MEG3: variants seen among roughly 807,000 people sequenced by gnomAD.
MEG3 encodes maternally expressed 3, also known as Very putative protein from MEG3 locus.
At position 100,845,410 on chromosome 14, in the gene MEG3, C is replaced by T. The variant is rs144425654; in HGVS notation, n.3046-48C>T. 7.2e-3 allele frequency: 3,219 copies of T among 446,728 alleles called. 19 individuals carry two copies. The highest frequency in any genetic ancestry group is 0.01 in the South Asian group (655 of 63,162). The allele number at this position is 446,728 out of a possible 1,614,324, so 27.7% of individuals were successfully genotyped here. On this transcript the variant is annotated intron_variant and non_coding_transcript_variant, in intron 2 of 3. Coordinates refer to the MEG3 transcript ENST00000398461. The surrounding 1 kb of genome is among the most constrained non-coding windows in gnomAD (Gnocchi z 5.2). ...CCTCATCCGCCCTCCTCCTCCTCGCCGGCCTGAGTGAGGTTCTACTCTGTG... is the reference window on the plus strand; with the variant it reads ...CCTCATCCGCCCTCCTCCTCCTCGCTGGCCTGAGTGAGGTTCTACTCTGTG...
Position 100,837,656 on chromosome 14 carries a change from C to T in MEG3, n.3045+1356C>T, listed in dbSNP as rs185849358. Among the ~76,000 whole-genome samples the T allele has an allele frequency of 5.5e-4, 83 of 152,192 alleles. 2 individuals carry two copies. The East Asian group carries it at 9.9e-3, about 18-fold the overall frequency. On this transcript the variant is annotated intron_variant and non_coding_transcript_variant, in intron 2 of 3. Transcript: ENST00000398461. This position sits in a 1 kb window ranked among gnomAD's most constrained non-coding sequence, Gnocchi z 5.8. ...ACGCATCAGCCCTTGTGCAGGCCTCCGCCCTCCGCCACCCCCCACCCCCGG... is the reference window on the plus strand; with the variant it reads ...ACGCATCAGCCCTTGTGCAGGCCTCTGCCCTCCGCCACCCCCCACCCCCGG...
exon 1 of MEG3, chr14:100,858,444 C>T (rs2038304924): frequency 6.5e-6 from 1 of 152,716 alleles, no homozygotes; most frequent in Non-Finnish European, 1.5e-5. Flanking sequence ...TCTCACATCC[C>T]CACATTCCAG....
upstream of MEG3, chr14:100,853,817 C>T (rs1339789215): frequency 1.3e-5 from 2 of 152,194 alleles, no homozygotes; most frequent in East Asian, 3.8e-4. Context: ...TATGTTCTTC[C>T]ACCCAGAAAT....
At chr14:100,832,459 C>G (rs776619384), downstream of MEG3, 3 of 152,516 alleles carry the variant, frequency 2.0e-5, no homozygotes, top group South Asian at 6.2e-4. Context: ...CTTACCCTGG[C>G]GGTGTTTTTC....
intron 3 of MEG3, chr14:100,850,664 G>GAAGA (rs2038046583): frequency 6.6e-6 from 1 of 151,480 alleles, no homozygotes; most frequent in African/African-American, 2.4e-5. Context: ...AGAGTGAGAG[G>GAAGA]AAGAAAGAAA....
At chr14:100,844,282 A>G (rs922879478) in intron 2 of MEG3, among the ~76,000 whole-genome samples, 3 of 152,048 alleles carry the variant, frequency 2.0e-5, no homozygotes, top group African/African-American at 7.2e-5. Flanking sequence ...AACGGTCCCC[A>G]GAGATGGTGT....
chr14:100,860,645 G>A (rs2038377671), intron 1 of MEG3: 7 of 456,600 alleles, frequency 1.5e-5, no homozygotes, highest in East Asian at 7.0e-5. Flanking sequence ...GTCGGCCAGC[G>A]AGGCCGGGAG....
chr14:100,852,411 C>CT, upstream of MEG3: 1 of 534,484 alleles, frequency 1.9e-6, no homozygotes, highest in Admixed American at 1.9e-5. Flanking sequence ...TCCGAGCCTC[C>CT]AGTACCACGT....
At chr14:100,860,314 C>T (rs2038368043) in exon 1 of MEG3, 1 of 244,182 alleles carries the variant, frequency 4.1e-6, no homozygotes, top group South Asian at 4.2e-5. Context: ...AACATCAAAG[C>T]TGGATAGGTT....
chr14:100,828,812 T>A (rs1399328214), exon 2 of MEG3: 1 of 151,984 alleles, frequency 6.6e-6, no homozygotes, highest in Non-Finnish European at 1.5e-5. Flanking sequence ...CATCTACACC[T>A]CACGGTACTT....
At chr14:100,840,040 C>T (rs1216779269) in intron 2 of MEG3, among the ~76,000 whole-genome samples, 1 of 152,178 alleles carries the variant, frequency 6.6e-6, no homozygotes, top group Non-Finnish European at 1.5e-5. Context: ...CCTTGGCGAT[C>T]GTGGGCGGCC....
downstream of MEG3, chr14:100,833,915 T>C (rs567024621): frequency 6.6e-6 from 1 of 152,366 alleles, no homozygotes; most frequent in African/African-American, 2.4e-5. Flanking sequence ...CTAAAGGTTC[T>C]CTGGCTTCGT....
At chr14:100,851,369 G>GC (rs1384461417) in intron 3 of MEG3, 2 of 152,262 alleles carry the variant, frequency 1.3e-5, no homozygotes, top group Non-Finnish European at 2.9e-5. Context: ...TGGAGCATGG[G>GC]CCCCGCCTGC....
intron 2 of MEG3, among the ~76,000 whole-genome samples, chr14:100,844,870 G>C (rs950046928): frequency 5.9e-5 from 9 of 152,340 alleles, no homozygotes; most frequent in Admixed American, 3.3e-4. Flanking sequence ...TCTTGACACT[G>C]AAGACTCGAT....
downstream of MEG3, chr14:100,833,788 C>T (rs2037467469): frequency 6.6e-6 from 1 of 152,088 alleles, no homozygotes; most frequent in African/African-American, 2.4e-5. Context: ...CTTTAGGCTC[C>T]AGTCAGACCT....
upstream of MEG3, chr14:100,852,418 A>G (rs763172573): frequency 1.9e-6 from 1 of 534,492 alleles, no homozygotes; most frequent in South Asian, 1.4e-5. Context: ...CTCCAGTACC[A>G]CGTGTCAGGG....
intron 2 of MEG3, among the ~76,000 whole-genome samples, chr14:100,839,182 G>A (rs2037677515): frequency 6.6e-6 from 1 of 152,282 alleles, no homozygotes; most frequent in East Asian, 1.9e-4. Context: ...GGGGTGTGGA[G>A]GGAGACAGAT....
chr14:100,836,095 C>CT, intron 1 of MEG3: 1 of 402,166 alleles, frequency 2.5e-6, no homozygotes, highest in South Asian at 1.8e-5. Context: ...TGCCCCGAGT[C>CT]TTTCTTCGGT....
chr14:100,831,265 G>C (rs1206086625), downstream of MEG3: 4 of 153,122 alleles, frequency 2.6e-5, no homozygotes, highest in African/African-American at 9.7e-5. Flanking sequence ...CCTGTTCCCT[G>C]AGTTCTAGAG....
Sources: gnomAD v4.1 joint callset for allele counts (sites outside exome capture counted in the v4.1 genomes callset) on GRCh38, gnomAD v4.1.1 for gene constraint, Gnocchi (gnomAD v3.1) non-coding constraint, MANE v1.5 for transcripts, NCBI Gene and HGNC (gene_info 2026-07-23, HGNC 2026-07-21) for gene names.